MITD1: variants seen among roughly 807,000 people sequenced by gnomAD.
The protein encoded by MITD1 is MIT domain-containing protein 1.
Under a neutral mutation model 34.9 loss-of-function variants are expected in MITD1, and 24 were observed. The observed-to-expected ratio is 0.69, with a 90% confidence interval of 0.50 to 0.97. The LOEUF (loss-of-function observed/expected upper bound fraction) is 0.97. MITD1 is among the 50% of genes least tolerant of loss of function. The pLI, the probability that MITD1 is intolerant of heterozygous loss-of-function variation, is 0.00. For synonymous variants in MITD1, 102 were observed against 101.4 expected (o/e 1.01, Z -0.04); for missense variants, 266 against 294.6 (o/e 0.90, Z 0.71).
At chr2:99,161,719 T>G, downstream of MITD1, 1 of 431,474 alleles carries the variant, frequency 2.3e-6, no homozygotes, top group South Asian at 4.8e-5. Context: ...GCAGCAGACT[T>G]ATTGTTTGAA....
chr2:99,180,056 T>G (rs1342201187), intron 1 of MITD1, among the ~76,000 whole-genome samples: 1 of 152,174 alleles, frequency 6.6e-6, no homozygotes, highest in Non-Finnish European at 1.5e-5. Context: ...ATATTGAGTG[T>G]CTACTGTGAG....
intron 1 of MITD1, among the ~76,000 whole-genome samples, chr2:99,176,524 G>A (rs765999139): frequency 7.9e-5 from 12 of 151,000 alleles, no homozygotes; most frequent in Non-Finnish European, 1.3e-4. Context: ...ACAGGGTTTC[G>A]CCATGTTGGT....
At chr2:99,168,447 T>G (rs1302659999), downstream of MITD1, among the ~76,000 whole-genome samples, 1 of 152,210 alleles carries the variant, frequency 6.6e-6, no homozygotes, top group African/African-American at 2.4e-5. Context: ...AGCCAGCATG[T>G]TCTTTGAGCT....
downstream of MITD1, among the ~76,000 whole-genome samples, chr2:99,165,061 C>CACACACACACACATAT (rs370053233): frequency 4.2e-4 from 57 of 135,276 alleles, no homozygotes; most frequent in African/African-American, 6.8e-4. Context: ...CACACACACA[C>CACACACACACACATAT]ATATATATAT....
At chr2:99,171,956 T>C (rs1210417674) in intron 2 of MITD1, 2 of 285,988 alleles carry the variant, frequency 7.0e-6, no homozygotes, top group Admixed American at 4.7e-5. Flanking sequence ...TTGAAGGGAG[T>C]AGTGTATATA....
chr2:99,173,688 T>C lies in MITD1; in HGVS notation c.253+227A>G, dbSNP rs1429265542. 5 of 559,108 alleles carry C rather than the reference T, an allele frequency of 8.9e-6. No homozygotes were observed. In the African/African-American group the frequency reaches 9.5e-5, roughly 11 times the overall value. The allele number at this position is 559,108 out of a possible 1,614,324, so 34.6% of individuals were successfully genotyped here. On this transcript the variant is annotated intron_variant, in intron 2 of 6. Coordinates refer to ENST00000289359, the MANE Select transcript of MITD1 (RefSeq NM_138798.3). ...AGCTTTCATGAGATGTTCAAAGGGG[T>C]GTCTGATATTCCCACCCCCAACTAA... is the stretch of plus-strand genomic sequence containing the variant.
chr2:99,167,356 G>T (rs1474564081), downstream of MITD1, among the ~76,000 whole-genome samples: 1 of 152,096 alleles, frequency 6.6e-6, no homozygotes, highest in Admixed American at 6.6e-5. Context: ...GCTTATAGTT[G>T]TTCATATAGT....
At position 99,169,717 on chromosome 2, in the gene MITD1, C is replaced by T; in HGVS notation, c.594-107G>A. ...AAAATTTCCCCCTAACAAAGCAAAC[C>T]ACTTCCTCCAGTGGCATGAGTTGAA... On this transcript the variant is annotated intron_variant, in intron 5 of 6. Transcript: ENST00000289359. The T allele has an allele frequency of 3.8e-6, 3 of 789,954 alleles. No individual in the cohort carries two copies. The Admixed American group carries it at 6.4e-5, about 17-fold the overall frequency. The allele number at this position is 789,954 out of a possible 1,614,324, so 48.9% of individuals were successfully genotyped here. A position where few individuals can be genotyped will look rare whatever the true frequency, so the allele number is the denominator to read the frequency against.
chr2:99,162,784 C>CTCCAT (rs1268631584), intron 7 of MITD1: 1 of 1,614,014 alleles, frequency 6.2e-7, no homozygotes, highest in Non-Finnish European at 8.5e-7. Flanking sequence ...TATGGCAAAA[C>CTCCAT]TCCAAAGTTT....
intron 2 of MITD1, chr2:99,173,442 C>T: frequency 2.1e-6 from 1 of 468,996 alleles, no homozygotes; most frequent in Non-Finnish European, 4.4e-6. Context: ...GAATGCTTAA[C>T]TCCTGAGGTG....
At chr2:99,170,800 T>C (rs2093852135) in intron 4 of MITD1, 148 bp from the exon 5 acceptor site, 3 of 450,194 alleles carry the variant, frequency 6.7e-6, no homozygotes, top group South Asian at 4.8e-5. Flanking sequence ...AAACAACCAA[T>C]GTGAGGTAGT....
chr2:99,163,494 T>C (rs1316085975), intron 7 of MITD1, among the ~76,000 whole-genome samples: 1 of 151,842 alleles, frequency 6.6e-6, no homozygotes, highest in African/African-American at 2.4e-5. Flanking sequence ...GCCCAGCTAA[T>C]TTTTTCTATT....
In MITD1 at chr2:99,171,445, A is replaced by C. The variant is rs749042289; in HGVS notation, c.391-16T>G. The C allele has an allele frequency of 4.4e-6, 7 of 1,602,858 alleles. No individual in the cohort carries two copies. The highest frequency in any genetic ancestry group is 5.1e-6 in the Non-Finnish European group (6 of 1,170,126). ...AGTTATACAGCTAAAAGACATTAGA[A>C]TGGATTATTACTAATTTAGTACATT... On this transcript the variant is annotated splice_polypyrimidine_tract_variant and intron_variant, in intron 3 of 6. Coordinates refer to ENST00000289359, the MANE Select transcript of MITD1 (RefSeq NM_138798.3).
chr2:99,170,617 TTGC>T lies in MITD1; in HGVS notation c.510_512del (p.Gln171del). The T allele has an allele frequency of 6.2e-7, 1 of 1,608,306 alleles. No individual in the cohort carries two copies. Among genetic ancestry groups the T allele is most frequent in the Admixed American group, 1.7e-5 (1 of 59,966 alleles). ...GACTCCTGAGTGACTCTTCTATTTC[TTGC>T]AGGCCTCTACTTTGCTGCACTTGCT... On this transcript the variant is annotated inframe_deletion, in exon 5 of 7. Coordinates refer to ENST00000289359, the MANE Select transcript of MITD1 (RefSeq NM_138798.3).
chr2:99,163,159 C>A, intron 7 of MITD1: 2 of 930,356 alleles, frequency 2.1e-6, no homozygotes, highest in East Asian at 3.0e-5. Context: ...AAAAAAAAAC[C>A]TAGTCTCTTT....
At position 99,170,644 on chromosome 2, in the gene MITD1, C is replaced by G. The variant is rs140322801; in HGVS notation, c.486G>C (p.Glu162Asp). 6.4e-7 allele frequency: 1 copy of G among 1,554,048 alleles called. No individual in the cohort carries two copies. Among genetic ancestry groups the G allele is most frequent in the African/African-American group, 1.4e-5 (1 of 73,732 alleles). Residue 162 changes from glutamate to aspartate, a missense_variant, in exon 5 of 7, where the codon GAG becomes GAC. Transcript: ENST00000289359. ...GCAGGCCTCTACTTTGCTGCACTTG[C>G]TCAATGCCCTGTTAATAGCAAAAAT... ...HLLTSLDEGI[E>D]QVQQSRGLQE...
chr2:99,169,010 C>A (rs2931521), downstream of MITD1, among the ~76,000 whole-genome samples: 1 of 114,742 alleles, frequency 8.7e-6, no homozygotes, highest in African/African-American at 3.3e-5. Flanking sequence ...CCATCTGTCT[C>A]TTTAAAAGCA....
At chr2:99,174,146 C>T (rs922501360) in intron 1 of MITD1, 130 bp from the exon 2 acceptor site, 20 of 569,486 alleles carry the variant, frequency 3.5e-5, no homozygotes, top group African/African-American at 7.6e-5. Flanking sequence ...AGTCCTCAAA[C>T]ACACACAATA....
chr2:99,162,358 T>A (rs2093801164), intron 7 of MITD1: 2 of 1,613,936 alleles, frequency 1.2e-6, no homozygotes, highest in East Asian at 2.2e-5. Flanking sequence ...AAATTAATTG[T>A]GAGAGCTCTG....
Sources: gnomAD v4.1 joint callset for allele counts (sites outside exome capture counted in the v4.1 genomes callset) on GRCh38, gnomAD v4.1.1 for gene constraint, MANE v1.5 for transcripts, NCBI Gene and HGNC (gene_info 2026-07-23, HGNC 2026-07-21) for gene names.